The following MEGF11 variants were observed in gnomAD, a reference collection of about 807,000 sequenced individuals.
The protein encoded by MEGF11 is multiple EGF like domains 11.
Under a neutral mutation model 146.6 loss-of-function variants are expected in MEGF11, and 126 were observed. The ratio of observed to expected loss-of-function variants is 0.86; its 90% confidence interval spans 0.74 to 1.00. The LOEUF (loss-of-function observed/expected upper bound fraction) is 1.00. Ranked by LOEUF, MEGF11 falls within the 50% of genes least tolerant of loss-of-function variation. The pLI, the probability that MEGF11 is intolerant of heterozygous loss-of-function variation, is 0.00. For missense variants in MEGF11, 1,509 were observed against 1,521.2 expected (o/e 0.99, Z 0.13); for synonymous variants, 532 against 583.4 (o/e 0.91, Z 1.27).
At chr15:66,019,497 C>T (rs1045691855) in intron 5 of MEGF11, among the ~76,000 whole-genome samples, 5 of 152,184 alleles carry the variant, frequency 3.3e-5, no homozygotes, top group African/African-American at 1.2e-4. Flanking sequence ...GGTCTTAGGC[C>T]AATTTTGCCC....
At chr15:66,105,808 C>T (rs938156545) in intron 4 of MEGF11, among the ~76,000 whole-genome samples, 2 of 152,178 alleles carry the variant, frequency 1.3e-5, no homozygotes, top group Non-Finnish European at 2.9e-5. Context: ...ATCAGGCCTC[C>T]GCAGTTTGTT....
chr15:66,134,316 TC>T (rs1289133780), intron 1 of MEGF11, among the ~76,000 whole-genome samples: 26 of 152,254 alleles, frequency 1.7e-4, no homozygotes, highest in Admixed American at 4.6e-4. Flanking sequence ...ACCCCCAGCC[TC>T]CAGCCCCTCG....
intron 1 of MEGF11, among the ~76,000 whole-genome samples, chr15:66,191,490 C>G (rs1265626578): frequency 1.3e-5 from 2 of 152,036 alleles, no homozygotes; most frequent in Non-Finnish European, 2.9e-5. Context: ...CCCTGAGGGT[C>G]GGGGTTGCGG....
chr15:66,034,725 C>T (rs1567211260), intron 5 of MEGF11, among the ~76,000 whole-genome samples: 2 of 152,174 alleles, frequency 1.3e-5, no homozygotes, highest in Non-Finnish European at 2.9e-5. Context: ...TAGGCAAATG[C>T]TATGGTTTGA....
At chr15:66,154,778 G>C (rs1021705938) in intron 1 of MEGF11, among the ~76,000 whole-genome samples, 3 of 152,170 alleles carry the variant, frequency 2.0e-5, no homozygotes, top group African/African-American at 7.2e-5. Flanking sequence ...TGGGCCAGGA[G>C]GTAACCTTTT....
intron 1 of MEGF11, among the ~76,000 whole-genome samples, chr15:66,174,926 A>G (rs2090354042): frequency 6.6e-6 from 1 of 152,070 alleles, no homozygotes; most frequent in Admixed American, 6.5e-5. Flanking sequence ...TCATTTCCTT[A>G]TTAAATTTGC....
chr15:66,067,909 C>T (rs969191780), intron 5 of MEGF11, among the ~76,000 whole-genome samples: 8 of 152,292 alleles, frequency 5.3e-5, no homozygotes, highest in East Asian at 1.9e-4. Context: ...AAGGACTTAA[C>T]GCCTCGCTTC....
intron 1 of MEGF11, among the ~76,000 whole-genome samples, chr15:66,246,794 G>C (rs1264003871): frequency 2.0e-5 from 3 of 152,114 alleles, no homozygotes; most frequent in African/African-American, 7.2e-5. Context: ...CTGGGCAACA[G>C]GAGTACGATT....
At chr15:66,212,126 C>A (rs1310201070) in intron 1 of MEGF11, among the ~76,000 whole-genome samples, 4 of 108,224 alleles carry the variant, frequency 3.7e-5, no homozygotes, top group Admixed American at 2.0e-4. Flanking sequence ...TTGGCCAAAC[C>A]CAACCCAAAG....
chr15:66,016,720 A>G (rs1031901154), intron 5 of MEGF11, among the ~76,000 whole-genome samples: 10 of 152,272 alleles, frequency 6.6e-5, no homozygotes, highest in African/African-American at 1.9e-4. Context: ...AGTAAGTGCT[A>G]TACAAGTATT....
At chr15:66,015,221 G>A (rs2140135483) in intron 5 of MEGF11, among the ~76,000 whole-genome samples, 1 of 152,250 alleles carries the variant, frequency 6.6e-6, no homozygotes, top group South Asian at 2.1e-4. Context: ...TTGCTCTTTT[G>A]GATTAGTCAC....
intron 5 of MEGF11, among the ~76,000 whole-genome samples, chr15:66,071,994 C>T (rs918082575): frequency 3.3e-5 from 5 of 152,244 alleles, no homozygotes; most frequent in Admixed American, 6.5e-5. Flanking sequence ...GACTCCCTTC[C>T]GGCGCTCTGC....
At chr15:65,917,875 G>T in intron 16 of MEGF11, 91 bp downstream of exon 16, 1 of 1,487,780 alleles carries the variant, frequency 6.7e-7, no homozygotes, top group South Asian at 1.2e-5. Context: ...CCTGGAAGTG[G>T]AGGCACCAGG....
At chr15:66,067,095 G>A (rs901993489) in intron 5 of MEGF11, among the ~76,000 whole-genome samples, 2 of 152,216 alleles carry the variant, frequency 1.3e-5, no homozygotes, top group African/African-American at 4.8e-5. Context: ...GATTCAATGA[G>A]TTAATACAGA....
intron 1 of MEGF11, among the ~76,000 whole-genome samples, chr15:66,210,444 G>T (rs2091415000): frequency 6.6e-6 from 1 of 152,146 alleles, no homozygotes. Context: ...CACTTATCAG[G>T]ATTCTAGAAC....
At chr15:65,902,558 G>A (rs2078520964) in intron 24 of MEGF11, 1 of 152,132 alleles carries the variant, frequency 6.6e-6, no homozygotes, top group Admixed American at 6.5e-5. Context: ...GGAGGGCAGG[G>A]TTGAGTGGAA....
chr15:66,059,008 C>A (rs1335142193), intron 5 of MEGF11, among the ~76,000 whole-genome samples: 1 of 152,196 alleles, frequency 6.6e-6, no homozygotes, highest in Non-Finnish European at 1.5e-5. Context: ...GTTGATCCTT[C>A]CCCTGCTAGG....
At chr15:65,974,569 C>T (rs2141635079) in intron 7 of MEGF11, among the ~76,000 whole-genome samples, 1 of 152,272 alleles carries the variant, frequency 6.6e-6, no homozygotes, top group Admixed American at 6.5e-5. Flanking sequence ...GCAGGACAAT[C>T]ACTTGAACCT....
At chr15:66,006,550 G>A (rs951271421) in intron 5 of MEGF11, among the ~76,000 whole-genome samples, 1 of 152,202 alleles carries the variant, frequency 6.6e-6, no homozygotes, top group East Asian at 1.9e-4. Flanking sequence ...ATTCCAGACA[G>A]AGACTCCTAG....
Sources: gnomAD v4.1 joint callset for allele counts (sites outside exome capture counted in the v4.1 genomes callset) on GRCh38, gnomAD v4.1.1 for gene constraint, MANE v1.5 for transcripts, NCBI Gene and HGNC (gene_info 2026-07-23, HGNC 2026-07-21) for gene names.